The following SMARCA5 variants were observed in gnomAD, a reference collection of about 807,000 sequenced individuals.
The protein encoded by SMARCA5 is SNF2 related chromatin remodeling ATPase 5.
In SMARCA5, 18 loss-of-function variants were observed where a neutral mutation model predicts 140.4. The observed-to-expected ratio is 0.13, with a 90% confidence interval of 0.09 to 0.19. SMARCA5 has a LOEUF of 0.19. Among genes scored for constraint, SMARCA5 ranks in the 10% least tolerant of loss-of-function variants. The pLI, the probability that SMARCA5 is intolerant of heterozygous loss-of-function variation, is 1.00. For missense variants in SMARCA5, 606 were observed against 1,276.8 expected (o/e 0.47, Z 8.01); for synonymous variants, 449 against 419.6 (o/e 1.07, Z -0.86).
At chr4:143,545,390 G>A in intron 17 of SMARCA5, 80 bp from the exon 18 acceptor site, 1 of 843,978 alleles carries the variant, frequency 1.2e-6, no homozygotes, top group South Asian at 1.5e-5. Flanking sequence ...GGCTGTTGTG[G>A]TTTATGAAGT....
intron 13 of SMARCA5, among the ~76,000 whole-genome samples, chr4:143,539,793 T>C (rs1737392082): frequency 1.3e-5 from 2 of 152,152 alleles, no homozygotes; most frequent in Admixed American, 6.5e-5. Flanking sequence ...CACCTTGGCC[T>C]CTGAAAGTGC....
chr4:143,513,778 C>T lies in SMARCA5; in HGVS notation c.-147C>T, dbSNP rs2149814825. The T allele has an allele frequency of 1.1e-6, 1 of 894,768 alleles. No individual in the cohort carries two copies. The highest frequency in any genetic ancestry group is 1.7e-6 in the Non-Finnish European group (1 of 600,238). 55.4% of individuals were successfully genotyped at this position (894,768 alleles called of 1,614,324 possible). The stretch of plus-strand genomic sequence containing the variant: ...GCTCCTGGGCCCGGCTCAGGCCCGT[C>T]GCGGAGGCGCGGCGCAGGGGAGCGC... On this transcript the variant is annotated 5_prime_UTR_variant, in exon 1 of 24. Coordinates refer to ENST00000283131, the MANE Select transcript of SMARCA5 (RefSeq NM_003601.4).
chr4:143,552,913 C>T (rs991981146), intron 23 of SMARCA5, among the ~76,000 whole-genome samples: 1 of 138,870 alleles, frequency 7.2e-6, no homozygotes, highest in Non-Finnish European at 1.6e-5. Context: ...TTAACATTAA[C>T]ATTTTTTATT....
At chr4:143,526,134 A>G (rs1024148605) in intron 5 of SMARCA5, 147 bp from the exon 6 acceptor site, 4 of 663,722 alleles carry the variant, frequency 6.0e-6, no homozygotes, top group Non-Finnish European at 7.7e-6. Context: ...AACACTTACA[A>G]ACTTTGATAT....
Position 143,513,952 on chromosome 4 carries a change from C to A in SMARCA5, c.28C>A (p.Pro10Thr). The A allele has an allele frequency of 1.9e-6, 3 of 1,550,274 alleles. No homozygotes were observed. Among genetic ancestry groups the A allele is most frequent in the Non-Finnish European group, 2.6e-6 (3 of 1,155,068 alleles). MSSAAEPPP[P>T]PPPESAPSKP... ...GTCGTCCGCGGCCGAGCCTCCGCCA[C>A]CCCCGCCTCCCGAGAGCGCGCCTTC... Residue 10 changes from proline (P) to threonine (T), a missense_variant, in exon 1 of 24, where the codon CCC (proline) becomes ACC (threonine). Transcript: ENST00000283131.
chr4:143,517,423 A>G lies in SMARCA5; in HGVS notation c.246A>G (p.Glu82=). Residue 82 remains glutamate, a synonymous_variant, in exon 2 of 24, where the codon GAA becomes GAG. Transcript: ENST00000283131. ...AAGAACCAGATCCTACCTATGAAGA[A>G]AAAATGGTATGTTCTAGGCTTGTGA... ...EIQEPDPTYE[E]KMQTDRANRF... The G allele has an allele frequency of 6.2e-7, 1 of 1,606,554 alleles. No homozygotes were observed. The highest frequency in any genetic ancestry group is 8.5e-7 in the Non-Finnish European group (1 of 1,175,200).
intron 13 of SMARCA5, among the ~76,000 whole-genome samples, chr4:143,539,537 CTTTT>C (rs11356061): frequency 3.2e-5 from 4 of 126,456 alleles, no homozygotes; most frequent in African/African-American, 2.9e-5. Context: ...TAGTCACTTT[CTTTT>C]TTTTTTTTTT....
intron 3 of SMARCA5, among the ~76,000 whole-genome samples, chr4:143,523,120 G>C (rs922741538): frequency 6.6e-6 from 1 of 151,700 alleles, no homozygotes; most frequent in Admixed American, 6.6e-5. Flanking sequence ...TTCACTGCAA[G>C]TTGTGCCTCT....
At position 143,555,073 on chromosome 4, in the gene SMARCA5, T is replaced by C; in HGVS notation, c.*1889T>C. The C allele has an allele frequency of 3.3e-6, 2 of 602,170 alleles. No homozygotes were observed. Among genetic ancestry groups the C allele is most frequent in the East Asian group, 6.6e-5 (2 of 30,076 alleles). 37.3% of individuals were successfully genotyped at this position (602,170 alleles called of 1,614,324 possible). A position where few individuals can be genotyped will look rare whatever the true frequency, so the allele number is the denominator to read the frequency against. ...CCTCTCCCGCTAAGCTTTTGTTTCC[T>C]GGCAGTAATTAAAATCTTCTGTCAG... is the stretch of plus-strand genomic sequence containing the variant. On this transcript the variant is annotated 3_prime_UTR_variant, in exon 24 of 24. Transcript: ENST00000283131.
In SMARCA5 at chr4:143,536,313, C is replaced by T. The variant is rs183079619; in HGVS notation, c.1269-139C>T. 1.8e-3 allele frequency: 1,142 copies of T among 634,230 alleles called. 15 individuals are homozygous for T. The African/African-American group carries it at 0.019, about 11-fold the overall frequency. The allele number at this position is 634,230 out of a possible 1,614,324, so 39.3% of individuals were successfully genotyped here. On this transcript the variant is annotated intron_variant, in intron 10 of 23. Coordinates refer to ENST00000283131, the MANE Select transcript of SMARCA5 (RefSeq NM_003601.4). ...AAAAGAGGTTACAGATGTTAAATTCCTAACCATACCTAGAAGTTGATGAGT... is the reference window on the plus strand; with the variant it reads ...AAAAGAGGTTACAGATGTTAAATTCTTAACCATACCTAGAAGTTGATGAGT...
At chr4:143,551,038 G>C (rs573217412) in intron 23 of SMARCA5, among the ~76,000 whole-genome samples, 2 of 151,950 alleles carry the variant, frequency 1.3e-5, no homozygotes, top group Non-Finnish European at 2.9e-5. Context: ...AGTGTATGAG[G>C]GTTTCCTTTT....
In SMARCA5 at chr4:143,537,121, CT is replaced by C. The variant is rs35472711; in HGVS notation, c.1495+450del. Among the ~76,000 whole-genome samples the C allele has an allele frequency of 2.0e-5, 3 of 152,028 alleles. No individual in the cohort carries two copies. The East Asian group carries it at 5.8e-4, about 29-fold the overall frequency. On this transcript the variant is annotated intron_variant, in intron 11 of 23. Coordinates refer to ENST00000283131, the MANE Select transcript of SMARCA5 (RefSeq NM_003601.4). ...AACATTTTTATTTGTAGTATGCTGA[CT>C]TTTTTTATGAAAATGGGTATGTCTG...
intron 1 of SMARCA5, 47 bp downstream of exon 1, chr4:143,514,148 A>C (rs1179050543): frequency 2.1e-6 from 3 of 1,456,944 alleles, no homozygotes; most frequent in African/African-American, 1.4e-5. Flanking sequence ...GGGGAGGAGG[A>C]GCTGGCTCCC....
rs10585621 is a variant in SMARCA5 at position 143,554,476 on chromosome 4, TTAG to T, written c.*1297_*1299del. 31,087 of 151,936 alleles carry T rather than the reference TTAG, an allele frequency of 0.2. 3,604 individuals are homozygous for T. Among genetic ancestry groups the T allele is most frequent in the East Asian group, 0.6 (3,063 of 5,146 alleles). The allele number at this position is 151,936 out of a possible 1,614,324, so 9.4% of individuals were successfully genotyped here. On this transcript the variant is annotated 3_prime_UTR_variant, in exon 24 of 24. Coordinates refer to ENST00000283131, the MANE Select transcript of SMARCA5 (RefSeq NM_003601.4). ...TGGATATCTTTCCCTTAAATTTCTA[TTAG>T]TAGTTGTTTTCATCTGCCCACATGT...
In SMARCA5 at chr4:143,553,367, T is replaced by A; in HGVS notation, c.*183T>A. 1 of 501,014 alleles carries A rather than the reference T, an allele frequency of 2.0e-6. No homozygotes were observed. 31.0% of individuals were successfully genotyped at this position (501,014 alleles called of 1,614,324 possible). On this transcript the variant is annotated 3_prime_UTR_variant, in exon 24 of 24. Transcript: ENST00000283131. ...TTTAAATGCAACAGCTGTGCTGAAA[T>A]TTTTTTATCATTAACACTTGAAGTA...
rs191060328 is a variant in SMARCA5 at position 143,539,078 on chromosome 4, G to A, written c.1770+140G>A. ...AATGGTTCAGTGAGAGTATATTGAG[G>A]TGATCTTCCATCTAAATAAGGGTAT... On this transcript the variant is annotated intron_variant, in intron 13 of 23. Transcript: ENST00000283131. The A allele has an allele frequency of 7.0e-4, 531 of 753,480 alleles. 3 individuals carry two copies. The African/African-American group carries it at 8.6e-3, about 12-fold the overall frequency. 46.7% of individuals were successfully genotyped at this position (753,480 alleles called of 1,614,324 possible).
intron 2 of SMARCA5, among the ~76,000 whole-genome samples, chr4:143,518,716 T>C (rs1158056659): frequency 6.6e-6 from 1 of 152,180 alleles, no homozygotes; most frequent in Non-Finnish European, 1.5e-5. Context: ...TGATTTGTTA[T>C]ATATTTTACA....
intron 12 of SMARCA5, 33 bp from the exon 13 acceptor site, chr4:143,538,753 A>C: frequency 1.2e-6 from 2 of 1,613,278 alleles, no homozygotes; most frequent in Non-Finnish European, 1.7e-6. Context: ...GAATCAGATA[A>C]ATTTTTTGAC....
intron 2 of SMARCA5, among the ~76,000 whole-genome samples, chr4:143,518,048 A>G (rs992461681): frequency 1.4e-4 from 21 of 152,176 alleles, no homozygotes; most frequent in Admixed American, 3.3e-4. Flanking sequence ...AGACCAGAAT[A>G]GTTACTCAGT....
Sources: gnomAD v4.1 joint callset for allele counts (sites outside exome capture counted in the v4.1 genomes callset) on GRCh38, gnomAD v4.1.1 for gene constraint, MANE v1.5 for transcripts, NCBI Gene and HGNC (gene_info 2026-07-23, HGNC 2026-07-21) for gene names.